Variants in TANC2 observed in about 807,000 individuals in gnomAD.
TANC2 encodes tetratricopeptide repeat, ankyrin repeat and coiled-coil containing 2.
Under a neutral mutation model 210.5 loss-of-function variants are expected in TANC2, and 26 were observed. That is an observed-to-expected ratio of 0.12 (90% CI 0.09 to 0.17). The LOEUF is 0.17. TANC2 is among the 10% of genes least tolerant of loss of function. The pLI is 1.00. For missense variants in TANC2, 2,129 were observed against 2,608.9 expected (o/e 0.82, Z 4.01); for synonymous variants, 931 against 967.1 (o/e 0.96, Z 0.69).
At chr17:63,129,326 G>C (rs2038831127) in intron 4 of TANC2, among the ~76,000 whole-genome samples, 1 of 152,100 alleles carries the variant, frequency 6.6e-6, no homozygotes, top group African/African-American at 2.4e-5. Context: ...AGACATACAA[G>C]GTTCAGGTTC....
chr17:63,304,923 T>C (rs2044848584), intron 9 of TANC2, among the ~76,000 whole-genome samples: 1 of 152,168 alleles, frequency 6.6e-6, no homozygotes, highest in Non-Finnish European at 1.5e-5. Context: ...CCATCCATCC[T>C]CCCTTGCTCC....
At chr17:63,111,713 A>C (rs1008026795) in intron 4 of TANC2, among the ~76,000 whole-genome samples, 1 of 151,844 alleles carries the variant, frequency 6.6e-6, no homozygotes, top group Non-Finnish European at 1.5e-5. Context: ...TGATTGTATA[A>C]ATTGCTTTTT....
intron 4 of TANC2, among the ~76,000 whole-genome samples, chr17:63,116,135 G>A (rs2038241646): frequency 1.3e-5 from 2 of 152,082 alleles, no homozygotes; most frequent in South Asian, 4.1e-4. Context: ...TTAAATAAAT[G>A]GTGATGGAAA....
intron 9 of TANC2, among the ~76,000 whole-genome samples, chr17:63,278,672 C>G (rs1343100370): frequency 6.6e-6 from 1 of 152,130 alleles, no homozygotes; most frequent in African/African-American, 2.4e-5. Context: ...GATATTTTCA[C>G]TCCTATGTTT....
chr17:63,297,980 A>T (rs2044589081), intron 9 of TANC2, among the ~76,000 whole-genome samples: 1 of 152,174 alleles, frequency 6.6e-6, no homozygotes. Flanking sequence ...TCATTAGGGA[A>T]TGCAAATTAA....
chr17:63,387,916 G>A (rs895729568), intron 15 of TANC2: 5 of 152,148 alleles, frequency 3.3e-5, no homozygotes, highest in Non-Finnish European at 7.3e-5. Flanking sequence ...TATTAGTTAA[G>A]GTGAAGAACA....
At chr17:63,320,193 C>T (rs1361538071) in intron 11 of TANC2, among the ~76,000 whole-genome samples, 1 of 152,166 alleles carries the variant, frequency 6.6e-6, no homozygotes, top group Non-Finnish European at 1.5e-5. Context: ...TGAAATGCCT[C>T]ATTTTAAAAT....
intron 5 of TANC2, among the ~76,000 whole-genome samples, chr17:63,159,615 T>C (rs898750407): frequency 6.6e-6 from 1 of 152,186 alleles, no homozygotes; most frequent in Non-Finnish European, 1.5e-5. Context: ...GAGTAAAAAC[T>C]AATACAAACA....
At chr17:63,378,616 A>G (rs1259330689) in intron 14 of TANC2, among the ~76,000 whole-genome samples, 1 of 152,226 alleles carries the variant, frequency 6.6e-6, no homozygotes, top group Non-Finnish European at 1.5e-5. Flanking sequence ...AGATAAGACA[A>G]TATCCAGAGG....
chr17:63,193,880 G>T lies in TANC2; in HGVS notation c.434-111G>T, dbSNP rs2145747567. 2.5e-6 allele frequency: 3 copies of T among 1,204,950 alleles called. No homozygotes were observed. In the South Asian group the frequency reaches 7.2e-5, roughly 29 times the overall value. The allele number at this position is 1,204,950 out of a possible 1,614,324, so 74.6% of individuals were successfully genotyped here. A position where few individuals can be genotyped will look rare whatever the true frequency, so the allele number is the denominator to read the frequency against. On this transcript the variant is annotated intron_variant, in intron 5 of 27. Coordinates refer to ENST00000689528, the Ensembl canonical transcript of TANC2. Reference sequence around the variant, plus strand: ...AAAACCTCATAACTTTGTAATTTTTGAGTTAAAATGTGAAAACTAAAGAAA... The same window carrying T: ...AAAACCTCATAACTTTGTAATTTTTTAGTTAAAATGTGAAAACTAAAGAAA...
chr17:62,994,160 T>G (rs1346776954), intron 1 of TANC2, among the ~76,000 whole-genome samples: 1 of 152,050 alleles, frequency 6.6e-6, no homozygotes, highest in African/African-American at 2.4e-5. Context: ...CAATGGTGTA[T>G]AGAAGTGGTA....
intron 6 of TANC2, 56 bp from the exon 7 acceptor site, chr17:63,200,715 A>G (rs1204443506): frequency 5.5e-6 from 8 of 1,446,128 alleles, no homozygotes; most frequent in Non-Finnish European, 7.5e-6. Flanking sequence ...TTATCTTAAA[A>G]TATACTTTAA....
At chr17:63,111,785 G>A (rs957608950) in intron 4 of TANC2, among the ~76,000 whole-genome samples, 2 of 152,024 alleles carry the variant, frequency 1.3e-5, no homozygotes, top group Non-Finnish European at 2.9e-5. Flanking sequence ...GAGTGCAGTG[G>A]CACAATCTCA....
chr17:63,139,675 G>A (rs950826367), intron 4 of TANC2, among the ~76,000 whole-genome samples: 1 of 152,186 alleles, frequency 6.6e-6, no homozygotes, highest in Admixed American at 6.5e-5. Context: ...GGAGGCTGAG[G>A]AGTATTGCTT....
chr17:63,289,949 C>CG (rs1567886250), intron 9 of TANC2, among the ~76,000 whole-genome samples: 1 of 151,988 alleles, frequency 6.6e-6, no homozygotes, highest in African/African-American at 2.4e-5. Context: ...TCCTTCCCCC[C>CG]CTTCAGTGGG....
chr17:63,212,208 G>C (rs1410698440), intron 7 of TANC2, among the ~76,000 whole-genome samples: 1 of 152,140 alleles, frequency 6.6e-6, no homozygotes, highest in East Asian at 1.9e-4. Context: ...TGCTTAGAGT[G>C]ACTGTTGGGT....
At chr17:63,189,038 G>C (rs2041097508) in intron 5 of TANC2, among the ~76,000 whole-genome samples, 1 of 152,080 alleles carries the variant, frequency 6.6e-6, no homozygotes, top group Admixed American at 6.6e-5. Flanking sequence ...ACAATATGTA[G>C]TCTTTTGTGT....
intron 6 of TANC2, among the ~76,000 whole-genome samples, chr17:63,198,316 T>A (rs2145779935): frequency 6.6e-6 from 1 of 152,144 alleles, no homozygotes; most frequent in East Asian, 1.9e-4. Flanking sequence ...TGCCTCAGCC[T>A]CCTGAGTAGC....
intron 11 of TANC2, among the ~76,000 whole-genome samples, chr17:63,333,534 C>CT (rs1567924421): frequency 2.6e-5 from 4 of 152,170 alleles, no homozygotes; most frequent in Admixed American, 2.0e-4. Flanking sequence ...AAGATGGAAT[C>CT]TGTACTTGGT....
Sources: gnomAD v4.1 joint callset for allele counts (sites outside exome capture counted in the v4.1 genomes callset) on GRCh38, gnomAD v4.1.1 for gene constraint, MANE v1.5 for transcripts, NCBI Gene and HGNC (gene_info 2026-07-23, HGNC 2026-07-21) for gene names.